The following GAK variants were observed in gnomAD, a reference collection of about 807,000 sequenced individuals.
The protein encoded by GAK is cyclin G associated kinase.
In GAK, 79 loss-of-function variants were observed where a neutral mutation model predicts 143.9. The observed-to-expected ratio is 0.55, with a 90% confidence interval of 0.46 to 0.66. GAK has a LOEUF of 0.66. Among genes scored for constraint, GAK ranks in the 30% least tolerant of loss-of-function variants. GAK has a pLI of 0.00. For synonymous variants in GAK, 881 were observed against 765.5 expected, an observed-to-expected ratio of 1.15 and a Z score of -2.49; for missense variants, 1,693 against 1,779.7, an observed-to-expected ratio of 0.95 and a Z score of 0.88.
rs1553889060 is a variant in GAK at position 902,605 on chromosome 4, A to AAAAAAAC, written c.525+2031_525+2032insGTTTTTT. ...TGTAGAGTGACTGACTCAAAAAAAA[A>AAAAAAAC]AAAAAAAAACCCCAAAAAACCTCTT... is the stretch of plus-strand genomic sequence containing the variant. On this transcript the variant is annotated intron_variant, in intron 5 of 27. Transcript: ENST00000314167. Among the ~76,000 whole-genome samples, 80 of 130,384 alleles carry AAAAAAAC rather than the reference A, an allele frequency of 6.1e-4. 1 individual carries two copies. Among genetic ancestry groups the AAAAAAAC allele is most frequent in the Non-Finnish European group, 1.1e-3 (67 of 60,232 alleles). The allele number at this position is 130,384 out of a possible 152,430, so 85.5% of individuals were successfully genotyped here.
rs1219629814 is a variant in GAK, at chr4:931,948, TAACCC to T, written c.145+90_145+94del. The stretch of plus-strand genomic sequence containing the variant: ...ATCCCGCTGGGACCCTCCCCAGCCC[TAACCC>T]ACGCCCTTCCACTCCGGGCTGACGC... On this transcript the variant is annotated intron_variant, in intron 1 of 27. Coordinates refer to ENST00000314167, the MANE Select transcript of GAK (RefSeq NM_005255.4). 5.3e-6 allele frequency: 5 copies of T among 937,478 alleles called. No individual in the cohort carries two copies. The African/African-American group carries it at 8.4e-5, about 16-fold the overall frequency. 58.1% of individuals were successfully genotyped at this position (937,478 alleles called of 1,614,324 possible). A position where few individuals can be genotyped will look rare whatever the true frequency, so the allele number is the denominator to read the frequency against.
chr4:912,489 A>G, intron 3 of GAK: 2 of 449,256 alleles, frequency 4.5e-6, no homozygotes, highest in Non-Finnish European at 8.2e-6. Context: ...CCTCTTGGGT[A>G]GGAACAACTT....
intron 23 of GAK, among the ~76,000 whole-genome samples, 170 bp downstream of exon 23, chr4:864,952 G>A (rs974468849): frequency 3.3e-5 from 5 of 152,224 alleles, no homozygotes; most frequent in South Asian, 2.1e-4. Context: ...GAGTGAGGCC[G>A]CTGCAGTCAT....
intron 9 of GAK, among the ~76,000 whole-genome samples, chr4:891,212 C>T (rs1008865151): frequency 6.6e-6 from 1 of 151,918 alleles, no homozygotes; most frequent in African/African-American, 2.4e-5. Flanking sequence ...TCGCCTGCCT[C>T]GGCTTCCCAA....
chr4:892,319 C>T (rs945243824), intron 9 of GAK, among the ~76,000 whole-genome samples: 1 of 152,172 alleles, frequency 6.6e-6, no homozygotes, highest in African/African-American at 2.4e-5. Flanking sequence ...TGGACACAGA[C>T]CCCTGCGAGA....
intron 9 of GAK, among the ~76,000 whole-genome samples, chr4:892,548 C>A (rs1236109288): frequency 2.0e-5 from 3 of 152,230 alleles, no homozygotes; most frequent in Non-Finnish European, 1.5e-5. Context: ...CACACTTCCA[C>A]AAAGCACACG....
chr4:849,646 G>C lies in GAK; in HGVS notation c.*27C>G, dbSNP rs761432822. On this transcript the variant is annotated 3_prime_UTR_variant, in exon 28 of 28. Transcript: ENST00000314167. ...ACGACGGCTCCCAACCTGTGGAGCT[G>C]TGTGCGCAGCCACCACCACTGCGGC... 1.9e-6 allele frequency: 3 copies of C among 1,566,028 alleles called. No homozygotes were observed. The highest frequency in any genetic ancestry group is 2.3e-5 in the East Asian group (1 of 44,248).
chr4:884,133 C>T (rs951305907), intron 11 of GAK, 47 bp from the exon 12 acceptor site: 1 of 1,551,040 alleles, frequency 6.4e-7, no homozygotes, highest in Non-Finnish European at 8.9e-7. Flanking sequence ...AAACACTCCG[C>T]AGTTAGGTCA....
In GAK at chr4:859,408, C is replaced by T. The variant is rs73062402; in HGVS notation, c.3283+198G>A. On this transcript the variant is annotated intron_variant, in intron 24 of 27. Coordinates refer to ENST00000314167, the MANE Select transcript of GAK (RefSeq NM_005255.4). ...CAGCAGTGCCAGTGTCAGCAACTCC[C>T]GGTTTTAGCTTGCCAGTTGGCAGTC... The T allele has an allele frequency of 5.5e-4, 848 of 1,528,812 alleles. 5 individuals are homozygous for T. In the African/African-American group the frequency reaches 0.01, roughly 18 times the overall value. The allele number at this position is 1,528,812 out of a possible 1,614,324, so 94.7% of individuals were successfully genotyped here. A position where few individuals can be genotyped will look rare whatever the true frequency, so the allele number is the denominator to read the frequency against.
At chr4:911,564 T>G in intron 4 of GAK, 109 bp downstream of exon 4, 2 of 752,716 alleles carry the variant, frequency 2.7e-6, no homozygotes, top group Admixed American at 2.2e-5. Context: ...CCAACACAGC[T>G]TGAGAGAAGA....
chr4:881,223 C>G (rs1168865651), intron 15 of GAK, among the ~76,000 whole-genome samples: 2 of 152,196 alleles, frequency 1.3e-5, no homozygotes, highest in Non-Finnish European at 2.9e-5. Flanking sequence ...ACGGGGCCGG[C>G]CTTTGCTCCT....
chr4:904,771 C>T lies in GAK; in HGVS notation c.391G>A (p.Val131Met). 1.2e-6 allele frequency: 2 copies of T among 1,613,966 alleles called. No individual in the cohort carries two copies. Among genetic ancestry groups the T allele is most frequent in the Non-Finnish European group, 1.7e-6 (2 of 1,179,904 alleles). Residue 131 changes from valine (V) to methionine (M), a missense_variant, in exon 5 of 28, where the codon GTG (valine) becomes ATG (methionine). Physicochemically the swap from Val to Met is conservative, Grantham distance 21. Coordinates refer to ENST00000314167, the MANE Select transcript of GAK (RefSeq NM_005255.4). ...LLTELCKGQL[V>M]EFLKKMESRG... is the part of the protein sequence containing the mutation. ...GATTCCATTTTCTTCAAAAATTCCA[C>T]CAGCTGCCCTAAAAGAGAATGAAAC...
chr4:888,816 C>T (rs1232601852), intron 11 of GAK, 31 bp downstream of exon 11: 2 of 1,584,570 alleles, frequency 1.3e-6, no homozygotes, highest in African/African-American at 1.3e-5. Context: ...GAGCGTGCGG[C>T]AGGTCCAGGG....
rs144456621 is a variant in GAK at position 890,575 on chromosome 4, C to T, written c.1038G>A (p.Gly346=). The T allele has an allele frequency of 1.2e-6, 2 of 1,611,340 alleles. No homozygotes were observed. Among genetic ancestry groups the T allele is most frequent in the Admixed American group, 1.7e-5 (1 of 59,852 alleles). The change falls in exon 10 of 28, where the codon GGG becomes GGA. Residue 346 remains glycine, a synonymous_variant. Transcript: ENST00000314167. ...CAGCGGGGCCCACGGGAGGGGGTGGCCCTCGGGACAGTGTGGCGCTCCCGT... is the reference window on the plus strand; with the variant it reads ...CAGCGGGGCCCACGGGAGGGGGTGGTCCTCGGGACAGTGTGGCGCTCCCGT... ...GGYGSATLSR[G]PPPPVGPAGS...
chr4:895,238 C>T (rs778730038), intron 7 of GAK, among the ~76,000 whole-genome samples: 1 of 152,216 alleles, frequency 6.6e-6, no homozygotes, highest in Non-Finnish European at 1.5e-5. Context: ...TCAGGATTTT[C>T]GCAGAACTGG....
At chr4:853,220 C>T (rs6843423) in intron 24 of GAK, 62,548 of 152,092 alleles carry the variant, frequency 0.41, 13,139 homozygotes, top group South Asian at 0.46. Context: ...CGCCACTCCC[C>T]CTCCCTGCCA....
intron 3 of GAK, chr4:912,088 G>C (rs1320250095): frequency 2.1e-6 from 1 of 471,562 alleles, no homozygotes; most frequent in South Asian, 1.5e-5. Flanking sequence ...AGGGCCCTCA[G>C]GGGGCTGTGC....
chr4:881,158 T>C (rs1715022607), intron 15 of GAK, among the ~76,000 whole-genome samples: 1 of 152,138 alleles, frequency 6.6e-6, no homozygotes, highest in Non-Finnish European at 1.5e-5. Context: ...GGATAAAGAA[T>C]GGGGAGTCCC....
rs1747687292 is a variant in GAK at position 849,577 on chromosome 4, C to T, written c.*96G>A. On this transcript the variant is annotated 3_prime_UTR_variant, in exon 28 of 28. Coordinates refer to ENST00000314167, the MANE Select transcript of GAK (RefSeq NM_005255.4). ...GGCTCGGAGCCCCACCCTGGCCACA[C>T]CTGCTGTCGCCCACGGGGTCCTCAC... The T allele has an allele frequency of 9.6e-6, 9 of 940,698 alleles. No homozygotes were observed. Among genetic ancestry groups the T allele is most frequent in the Non-Finnish European group, 1.3e-5 (8 of 596,900 alleles). The allele number at this position is 940,698 out of a possible 1,614,324, so 58.3% of individuals were successfully genotyped here.
Sources: gnomAD v4.1 joint callset for allele counts (sites outside exome capture counted in the v4.1 genomes callset) on GRCh38, gnomAD v4.1.1 for gene constraint, MANE v1.5 for transcripts, NCBI Gene and HGNC (gene_info 2026-07-23, HGNC 2026-07-21) for gene names.